MYH7: variants seen among roughly 807,000 people sequenced by gnomAD.
MYH7 encodes myosin-7.
Under a neutral mutation model 225.4 loss-of-function variants are expected in MYH7, and 129 were observed. The ratio of observed to expected loss-of-function variants is 0.57; its 90% CI spans 0.50 to 0.66. The LOEUF (loss-of-function observed/expected upper bound fraction) is 0.66. Ranked by LOEUF, MYH7 falls within the 30% of genes least tolerant of loss-of-function variation. MYH7 has a pLI of 0.00. For synonymous variants in MYH7, 971 were observed against 1,007.6 expected, an observed-to-expected ratio of 0.96 and a Z score of 0.69; for missense variants, 1,649 against 2,517.0, an observed-to-expected ratio of 0.66 and a Z score of 7.38.
At chr14:23,431,974 G>C in intron 6 of MYH7, 105 bp from the exon 7 acceptor site, 1 of 1,171,582 alleles carries the variant, frequency 8.5e-7, no homozygotes, top group Non-Finnish European at 1.3e-6. Flanking sequence ...GGAGCCCTGG[G>C]CAAGAAGCTG....
At position 23,415,584 on chromosome 14, in the gene MYH7, C is replaced by T. The variant is rs756851115; in HGVS notation, c.5157+45G>A. On this transcript the variant is annotated intron_variant, in intron 35 of 39. Coordinates refer to ENST00000355349, the MANE Select transcript of MYH7 (RefSeq NM_000257.4). This position sits in a 1 kb window ranked among gnomAD's most constrained non-coding sequence, Gnocchi z 6.3. ...TAGCTCTCAAGCCTTGCTTGCTGAG[C>T]CCCAGCCTGTGCTCCCTTCAGGAAT... is the stretch of plus-strand genomic sequence containing the variant. 6.2e-7 allele frequency: 1 copy of T among 1,613,680 alleles called. No homozygotes were observed. The highest frequency in any genetic ancestry group is 8.5e-7 in the Non-Finnish European group (1 of 1,180,020).
In MYH7 at chr14:23,412,869, GC is replaced by G; in HGVS notation, c.5792del (p.Gly1931AlafsTer2). 1 of 1,614,072 alleles carries G rather than the reference GC, an allele frequency of 6.2e-7. No homozygotes were observed. Among genetic ancestry groups the G allele is most frequent in the African/African-American group, 1.3e-5 (1 of 75,058 alleles). On this transcript the variant is annotated frameshift_variant and splice_region_variant, in exon 40 of 40. Coordinates refer to ENST00000355349, the MANE Select transcript of MYH7 (RefSeq NM_000257.4). LOFTEE classifies it high-confidence loss of function. ...TGTGGCAAAGCTACTCCTCATTCAA[GC>G]CCTTTTGAAAGGAAACAAAGTCCAA... Reference protein sequence around the residue: ...RAKSRDIGTKGLNEE With the variant: ...RAKSRDIGTKXLNEE
chr14:23,425,038 T>C lies in MYH7; in HGVS notation c.2424-14A>G. The C allele has an allele frequency of 1.2e-6, 2 of 1,614,154 alleles. No individual in the cohort carries two copies. The highest frequency in any genetic ancestry group is 1.3e-5 in the African/African-American group (1 of 75,052). On this transcript the variant is annotated splice_polypyrimidine_tract_variant and intron_variant, in intron 21 of 39. Coordinates refer to ENST00000355349, the MANE Select transcript of MYH7 (RefSeq NM_000257.4). This position sits in a 1 kb window ranked among gnomAD's most constrained non-coding sequence, Gnocchi z 4.6. ...AGCAGGGAGTCTCTGCAGGGGCCCA[T>C]TGAAAGGAGTGCTGAGCCTCCTGCC...
intron 11 of MYH7, 34 bp from the exon 12 acceptor site, chr14:23,429,947 A>G: frequency 1.2e-6 from 2 of 1,613,018 alleles, no homozygotes; most frequent in South Asian, 2.2e-5. Flanking sequence ...GGACCCCAGA[A>G]AAAGAAGTAT....
chr14:23,430,171 C>T (rs1282192332), intron 11 of MYH7, among the ~76,000 whole-genome samples: 1 of 152,196 alleles, frequency 6.6e-6, no homozygotes, highest in African/African-American at 2.4e-5. Context: ...GAGTTACCCA[C>T]TTATGCTTCC....
rs774659715 is a variant in MYH7 at position 23,419,201 on chromosome 14, C to T, written c.3948G>A (p.Lys1316=). The part of the protein sequence containing the change: ...LTYTQQLEDL[K]RQLEEEVKAK... ...CCTTAACCTCCTCCTCCAGCTGCCT[C>T]TTGAGGTCCTCCAGCTGCTGGGTGT... Residue 1316 remains lysine (K), a synonymous_variant, in exon 29 of 40, where the codon AAG becomes AAA. Transcript: ENST00000355349. 1 of 1,614,230 alleles carries T rather than the reference C, an allele frequency of 6.2e-7. No homozygotes were observed. The highest frequency in any genetic ancestry group is 8.5e-7 in the Non-Finnish European group (1 of 1,180,040).
Position 23,417,499 on chromosome 14 carries a change from C to A in MYH7, c.4353+4G>T. ...GCTGGCTGCGGCCCCCACCCAGGGC[C>A]CACCTTGTCGAAGTTCCTCTGCTTC... On this transcript the variant is annotated splice_donor_region_variant and intron_variant, in intron 31 of 39. Coordinates refer to ENST00000355349, the MANE Select transcript of MYH7 (RefSeq NM_000257.4). 2 of 1,612,308 alleles carry A rather than the reference C, an allele frequency of 1.2e-6. No homozygotes were observed. The highest frequency in any genetic ancestry group is 1.7e-6 in the Non-Finnish European group (2 of 1,180,040).
Position 23,424,244 on chromosome 14 carries a change from G to A in MYH7, c.2680-95C>T, listed in dbSNP as rs45457293. 130,619 of 1,512,170 alleles carry A rather than the reference G, an allele frequency of 0.086. 7,550 individuals carry two copies. Among genetic ancestry groups the A allele is most frequent in the African/African-American group, 0.29 (21,215 of 72,810 alleles). The allele number at this position is 1,512,170 out of a possible 1,614,324, so 93.7% of individuals were successfully genotyped here. On this transcript the variant is annotated intron_variant, in intron 22 of 39. Coordinates refer to ENST00000355349, the MANE Select transcript of MYH7 (RefSeq NM_000257.4). ...AGAGGCACATCACTCAAATAGGAGG[G>A]TAACTCTAGGATATCCCCACTTGGC...
chr14:23,428,396 CT>C, intron 15 of MYH7, 103 bp downstream of exon 15: 1 of 1,572,442 alleles, frequency 6.4e-7, no homozygotes, highest in Non-Finnish European at 8.7e-7. Flanking sequence ...CCTTCAGCCC[CT>C]TCTATTTTTA....
Position 23,419,550 on chromosome 14 carries a change from C to T in MYH7, c.3786G>A (p.Lys1262=), listed in dbSNP as rs45497796. 7 of 1,614,074 alleles carry T rather than the reference C, an allele frequency of 4.3e-6. No individual in the cohort carries two copies. The highest frequency in any genetic ancestry group is 1.7e-4 in the Middle Eastern group (1 of 6,060). Residue 1262 remains lysine (K), a synonymous_variant, in exon 28 of 40, where the codon AAG becomes AAA. Coordinates refer to ENST00000355349, the MANE Select transcript of MYH7 (RefSeq NM_000257.4). ...TGACAGAACGCTGGGTCTCCTCCGC[C>T]TTGCTCCGGTGCTCATTCATCTGGT... The part of the protein sequence containing the change: ...LEDQMNEHRS[K]AEETQRSVND...
intron 26 of MYH7, 85 bp downstream of exon 26, chr14:23,420,873 G>A (rs1892445345): frequency 2.9e-6 from 3 of 1,018,408 alleles, no homozygotes; most frequent in Non-Finnish European, 4.6e-6. Flanking sequence ...CTGTAATGCT[G>A]TGAACAGGAC....
chr14:23,415,594 T>C lies in MYH7; in HGVS notation c.5157+35A>G, dbSNP rs201863195. The C allele has an allele frequency of 2.0e-4, 321 of 1,613,742 alleles. No homozygotes were observed. The African/African-American group carries it at 3.9e-3, about 20-fold the overall frequency. On this transcript the variant is annotated intron_variant, in intron 35 of 39. Transcript: ENST00000355349. The surrounding 1 kb of genome is among the most constrained non-coding windows in gnomAD (Gnocchi z 6.3). ...GCCTTGCTTGCTGAGCCCCAGCCTG[T>C]GCTCCCTTCAGGAATGAGCAGGGGA...
At chr14:23,431,127 C>A in intron 9 of MYH7, 128 bp from the exon 10 acceptor site, 1 of 751,840 alleles carries the variant, frequency 1.3e-6, no homozygotes, top group Non-Finnish European at 2.3e-6. Flanking sequence ...GTTGGACAGA[C>A]ACAAAGAGAT....
chr14:23,429,794 C>G lies in MYH7; in HGVS notation c.1119G>C (p.Ala373=), dbSNP rs572672362. ...KFKLKQREEQ[A]EPDGTEEADK... The stretch of plus-strand genomic sequence containing the variant: ...TCCCACCTTCAGTGCCGTCTGGCTC[C>G]GCCTGCTCCTCCCGCTGCTTCAGCT... The change falls in exon 12 of 40, where the codon GCG becomes GCC. Residue 373 remains alanine (A), a synonymous_variant. Transcript: ENST00000355349. 1 of 1,612,884 alleles carries G rather than the reference C, an allele frequency of 6.2e-7. No individual in the cohort carries two copies. Among genetic ancestry groups the G allele is most frequent in the Admixed American group, 1.7e-5 (1 of 60,012 alleles).
At position 23,422,229 on chromosome 14, in the gene MYH7, T is replaced by C. The variant is rs753321342; in HGVS notation, c.3196A>G (p.Ile1066Val). The C allele has an allele frequency of 1.9e-6, 3 of 1,613,932 alleles. No individual in the cohort carries two copies. The highest frequency in any genetic ancestry group is 2.2e-5 in the South Asian group (2 of 91,058). The change falls in exon 25 of 40, where the codon ATC becomes GTC. Residue 1066 changes from isoleucine (I) to valine (V), a missense_variant. Physicochemically the swap from Ile to Val is conservative, Grantham distance 29 (BLOSUM62 3). Coordinates refer to ENST00000355349, the MANE Select transcript of MYH7 (RefSeq NM_000257.4). Reference protein sequence around the residue: ...EGDLKLTQESIMDLENDKQQL... With the variant: ...EGDLKLTQESVMDLENDKQQL... ...TGCTTGTCATTCTCCAGGTCCATGA[T>C]GCTCTCCTGGGTCAGCTTCAGGTCG...
chr14:23,428,457 T>C, intron 15 of MYH7, 43 bp downstream of exon 15: 2 of 1,613,636 alleles, frequency 1.2e-6, no homozygotes, highest in Non-Finnish European at 1.7e-6. Flanking sequence ...GTGTTCTTGT[T>C]GGGTGTGCAG....
intron 15 of MYH7, among the ~76,000 whole-genome samples, 167 bp from the exon 16 acceptor site, chr14:23,428,061 G>T (rs956082743): frequency 6.6e-6 from 1 of 152,174 alleles, no homozygotes; most frequent in African/African-American, 2.4e-5. Flanking sequence ...CAAGGTGGAG[G>T]ATTTTGTCTG....
chr14:23,422,625 C>A (rs1566529594), intron 24 of MYH7, among the ~76,000 whole-genome samples: 1 of 142,114 alleles, frequency 7.0e-6, no homozygotes, highest in African/African-American at 2.8e-5. Context: ...TCCTTCCTTC[C>A]TTCCTCCTTT....
chr14:23,427,865 C>T lies in MYH7; in HGVS notation c.1608G>A (p.Glu536=), dbSNP rs397516115. Residue 536 remains glutamate, a synonymous_variant, in exon 16 of 40, where the codon GAG becomes GAA. Transcript: ENST00000355349. The part of the protein sequence containing the change: ...KPMGIMSILE[E]ECMFPKATDM... ...CGGTGGCCTTGGGGAACATGCACTC[C>T]TCTTCCAGGATGGACATGATGCCCA... 3.1e-6 allele frequency: 5 copies of T among 1,614,036 alleles called. No homozygotes were observed. The African/African-American group carries it at 4.0e-5, about 13-fold the overall frequency.
Sources: allele counts gnomAD v4.1 joint callset (sites outside exome capture counted in the v4.1 genomes callset), GRCh38; gene constraint gnomAD v4.1.1; non-coding constraint Gnocchi (gnomAD v3.1); transcripts MANE v1.5; gene names NCBI Gene and HGNC (gene_info 2026-07-23, HGNC 2026-07-21).